Variants in EIF4G3 observed in about 807,000 individuals in gnomAD.
EIF4G3 encodes eukaryotic translation initiation factor 4 gamma 3.
Under a neutral mutation model 186.4 loss-of-function variants are expected in EIF4G3, and 34 were observed. That is an observed-to-expected ratio of 0.18 (90% confidence interval 0.14 to 0.24). The LOEUF is 0.24. Among genes scored for constraint, EIF4G3 ranks in the 10% least tolerant of loss-of-function variants. The pLI is 1.00. For synonymous variants in EIF4G3, 673 were observed against 679.5 expected (o/e 0.99, Z 0.15); for missense variants, 1,536 against 1,948.5 (o/e 0.79, Z 3.99).
At chr1:21,089,692 G>T (rs1165501412) in intron 2 of EIF4G3, among the ~76,000 whole-genome samples, 2 of 151,384 alleles carry the variant, frequency 1.3e-5, no homozygotes, top group African/African-American at 4.9e-5. Context: ...GGCTGAGGTG[G>T]TAGGATCACT....
chr1:20,999,306 A>C, intron 6 of EIF4G3: 1 of 347,462 alleles, frequency 2.9e-6, no homozygotes, highest in Non-Finnish European at 5.7e-6. Flanking sequence ...AAAGAAATTG[A>C]GGTCTTGTAT....
At chr1:20,828,014 T>C (rs2064061999) in intron 31 of EIF4G3, among the ~76,000 whole-genome samples, 2 of 151,324 alleles carry the variant, frequency 1.3e-5, no homozygotes, top group South Asian at 4.2e-4. Flanking sequence ...CAGGGAGTTG[T>C]GATGCTTTTA....
At chr1:21,008,693 A>G (rs1020260360) in intron 4 of EIF4G3, among the ~76,000 whole-genome samples, 11 of 152,186 alleles carry the variant, frequency 7.2e-5, no homozygotes, top group African/African-American at 2.7e-4. Flanking sequence ...TAGATGTAAG[A>G]AGCACTTACT....
chr1:21,076,733 T>G (rs2095600966), intron 3 of EIF4G3, among the ~76,000 whole-genome samples: 1 of 152,114 alleles, frequency 6.6e-6, no homozygotes, highest in Admixed American at 6.5e-5. Context: ...AAACTGGATA[T>G]CTACATGCAG....
chr1:21,059,986 C>T (rs908010816), intron 3 of EIF4G3, among the ~76,000 whole-genome samples: 3 of 152,340 alleles, frequency 2.0e-5, no homozygotes, highest in Non-Finnish European at 4.4e-5. Flanking sequence ...GGGTCTGTAT[C>T]ACCTAGGCAG....
chr1:20,933,706 TG>T (rs1445734065), intron 14 of EIF4G3, among the ~76,000 whole-genome samples: 2 of 151,702 alleles, frequency 1.3e-5, no homozygotes, highest in African/African-American at 4.8e-5. Flanking sequence ...AATGACTGGA[TG>T]GGAAAAAAGG....
intron 3 of EIF4G3, among the ~76,000 whole-genome samples, chr1:21,083,126 A>G (rs2095847973): frequency 6.6e-6 from 1 of 150,412 alleles, no homozygotes; most frequent in Non-Finnish European, 1.5e-5. Context: ...CTAGTTACTC[A>G]GCTATTTAGG....
At chr1:21,050,020 A>T (rs1219924626) in intron 4 of EIF4G3, among the ~76,000 whole-genome samples, 1 of 152,206 alleles carries the variant, frequency 6.6e-6, no homozygotes, top group Non-Finnish European at 1.5e-5. Flanking sequence ...CTATTATTCA[A>T]TCTCTAAAAG....
chr1:21,018,689 T>G (rs2089917669), intron 4 of EIF4G3, among the ~76,000 whole-genome samples: 1 of 152,290 alleles, frequency 6.6e-6, no homozygotes, highest in South Asian at 2.1e-4. Flanking sequence ...GGAGTTGATC[T>G]CTCATGAATG....
intron 14 of EIF4G3, among the ~76,000 whole-genome samples, chr1:20,916,379 G>A (rs566006216): frequency 4.5e-4 from 68 of 151,868 alleles, no homozygotes; most frequent in Middle Eastern, 6.8e-3. Flanking sequence ...CCCGGGAGGC[G>A]GAGGTTGCAG....
chr1:20,854,232 A>G (rs1031233466), intron 26 of EIF4G3, among the ~76,000 whole-genome samples: 2 of 152,110 alleles, frequency 1.3e-5, no homozygotes, highest in African/African-American at 4.8e-5. Context: ...TTCGAAAAAG[A>G]TTTTGAACAA....
chr1:20,916,870 C>T (rs1178167850), intron 14 of EIF4G3, among the ~76,000 whole-genome samples: 1 of 152,184 alleles, frequency 6.6e-6, no homozygotes, highest in African/African-American at 2.4e-5. Flanking sequence ...ACAAGATAGC[C>T]TGAAATTTTC....
chr1:20,906,011 A>G (rs1193997226), intron 14 of EIF4G3, among the ~76,000 whole-genome samples: 1 of 152,214 alleles, frequency 6.6e-6, no homozygotes, highest in Non-Finnish European at 1.5e-5. Context: ...TGGGGGAACA[A>G]GAAAAAGGAG....
chr1:21,007,537 AC>A (rs67157587), intron 4 of EIF4G3, among the ~76,000 whole-genome samples: 1,318 of 76,568 alleles, frequency 0.017, 183 homozygotes, highest in East Asian at 0.034. Context: ...AAAAAAAAAA[AC>A]ACACTCAAAA....
At chr1:21,163,062 T>TTCAAAGACC (rs2097792190) in intron 2 of EIF4G3, among the ~76,000 whole-genome samples, 1 of 152,194 alleles carries the variant, frequency 6.6e-6, no homozygotes, top group Non-Finnish European at 1.5e-5. Context: ...TGGTGGCACC[T>TTCAAAGACC]TTCAAAGACA....
intron 3 of EIF4G3, among the ~76,000 whole-genome samples, chr1:21,066,582 TCA>T (rs952128816): frequency 5.3e-5 from 8 of 152,134 alleles, no homozygotes; most frequent in Non-Finnish European, 1.0e-4. Context: ...TTCTAATCCT[TCA>T]CAATTTCTTG....
chr1:21,154,281 T>C (rs1269685835), intron 2 of EIF4G3, among the ~76,000 whole-genome samples: 1 of 152,078 alleles, frequency 6.6e-6, no homozygotes, highest in African/African-American at 2.4e-5. Flanking sequence ...CTGCTTTCAA[T>C]AACAACAAGA....
intron 19 of EIF4G3, among the ~76,000 whole-genome samples, chr1:20,885,994 A>G (rs2154554924): frequency 6.6e-6 from 1 of 152,214 alleles, no homozygotes; most frequent in South Asian, 2.1e-4. Context: ...CCTGGTAACT[A>G]TTCTGAAAAA....
intron 4 of EIF4G3, among the ~76,000 whole-genome samples, chr1:21,024,312 G>A (rs1463727734): frequency 2.0e-5 from 3 of 151,730 alleles, no homozygotes; most frequent in East Asian, 2.0e-4. Flanking sequence ...GAGCCCCTCT[G>A]CCCGGCCAGC....
Sources: gnomAD v4.1 joint callset for allele counts (sites outside exome capture counted in the v4.1 genomes callset) on GRCh38, gnomAD v4.1.1 for gene constraint, MANE v1.5 for transcripts, NCBI Gene and HGNC (gene_info 2026-07-23, HGNC 2026-07-21) for gene names.